The following SERPINB12 variants were observed in gnomAD, a reference collection of about 807,000 sequenced individuals.
SERPINB12 encodes serpin B12.
SERPINB12 carries 57 observed loss-of-function variants against 41.1 expected under a neutral mutation model. That is an observed-to-expected ratio of 1.39 (90% CI 1.12 to 1.73). The LOEUF is 1.73. SERPINB12 is among the 40% of genes most tolerant of loss of function. The pLI is 0.00. For missense variants in SERPINB12, 536 were observed against 501.9 expected (o/e 1.07, Z -0.65); for synonymous variants, 180 against 181.3 (o/e 0.99, Z 0.06).
At chr18:63,557,458 C>T (rs1303880525) in intron 2 of SERPINB12, among the ~76,000 whole-genome samples, 1 of 152,160 alleles carries the variant, frequency 6.6e-6, no homozygotes, top group African/African-American at 2.4e-5. Flanking sequence ...CCTTATACTT[C>T]CTTGGATGTA....
chr18:63,563,733 C>T (rs1599427457), intron 5 of SERPINB12, among the ~76,000 whole-genome samples: 1 of 152,024 alleles, frequency 6.6e-6, no homozygotes, highest in Non-Finnish European at 1.5e-5. Flanking sequence ...CCCTTCTCTA[C>T]TGAAAATAAA....
intron 3 of SERPINB12, among the ~76,000 whole-genome samples, 186 bp from the exon 4 acceptor site, chr18:63,559,392 G>A (rs1165981804): frequency 6.6e-6 from 1 of 152,034 alleles, no homozygotes; most frequent in Non-Finnish European, 1.5e-5. Flanking sequence ...ATCTTCCACT[G>A]GGACCACTTC....
At chr18:63,564,259 A>C (rs1002773473) in intron 6 of SERPINB12, 139 bp downstream of exon 6, 1 of 810,786 alleles carries the variant, frequency 1.2e-6, no homozygotes, top group Non-Finnish European at 1.9e-6. Flanking sequence ...CCAGTACCTG[A>C]ATTTCATTGA....
At chr18:63,524,463 C>G in the SERPINB12 span, among the ~76,000 whole-genome samples, 1 of 151,656 alleles carries the variant, frequency 6.6e-6, no homozygotes, top group Non-Finnish European at 1.5e-5. Context: ...CTAATTTTTG[C>G]ATTTTTAATA....
the SERPINB12 span, among the ~76,000 whole-genome samples, chr18:63,527,150 T>C: frequency 6.6e-6 from 1 of 152,232 alleles, no homozygotes; most frequent in East Asian, 1.9e-4. Context: ...CCAAGTGGTC[T>C]TAAATTTTAG....
chr18:63,561,629 G>A (rs1440062666), intron 5 of SERPINB12, among the ~76,000 whole-genome samples: 1 of 152,104 alleles, frequency 6.6e-6, no homozygotes, highest in Non-Finnish European at 1.5e-5. Context: ...GCAAAGACAT[G>A]GAATTAACCT....
At chr18:63,536,480 A>G in the SERPINB12 span, among the ~76,000 whole-genome samples, 3 of 152,294 alleles carry the variant, frequency 2.0e-5, no homozygotes, top group East Asian at 5.8e-4. Context: ...GCAAAATAAA[A>G]CAAGGTGATT....
the SERPINB12 span, among the ~76,000 whole-genome samples, chr18:63,530,004 T>A: frequency 6.6e-6 from 1 of 152,110 alleles, no homozygotes; most frequent in Non-Finnish European, 1.5e-5. Context: ...ACTATAATAT[T>A]GAGGGAAAAA....
the SERPINB12 span, among the ~76,000 whole-genome samples, chr18:63,532,548 C>G: frequency 2.0e-5 from 3 of 152,058 alleles, no homozygotes; most frequent in Admixed American, 2.0e-4. Flanking sequence ...TCTATAGGAG[C>G]AGTGGGGATT....
the SERPINB12 span, among the ~76,000 whole-genome samples, chr18:63,523,377 G>A: frequency 6.6e-6 from 1 of 152,114 alleles, no homozygotes; most frequent in Non-Finnish European, 1.5e-5. Flanking sequence ...TGTTTCCTAG[G>A]CCAATTACTA....
chr18:63,536,654 T>C, the SERPINB12 span, among the ~76,000 whole-genome samples: 1 of 152,132 alleles, frequency 6.6e-6, no homozygotes, highest in Non-Finnish European at 1.5e-5. Context: ...CCAATGAGGA[T>C]TGGTTAGATT....
chr18:63,532,880 G>A, the SERPINB12 span, among the ~76,000 whole-genome samples: 1 of 152,252 alleles, frequency 6.6e-6, no homozygotes, highest in South Asian at 2.1e-4. Context: ...TTTGTAGTGG[G>A]TTCCTATACC....
At chr18:63,521,804 A>G in the SERPINB12 span, among the ~76,000 whole-genome samples, 4 of 152,194 alleles carry the variant, frequency 2.6e-5, no homozygotes, top group Non-Finnish European at 5.9e-5. Context: ...TGTGACCCAT[A>G]CATCAGGCAT....
At chr18:63,543,956 T>A (rs1362254594) in intron 1 of SERPINB12, among the ~76,000 whole-genome samples, 1 of 152,198 alleles carries the variant, frequency 6.6e-6, no homozygotes, top group African/African-American at 2.4e-5. Flanking sequence ...TGTTTCTTGT[T>A]AGCATATTAC....
the SERPINB12 span, among the ~76,000 whole-genome samples, chr18:63,520,100 C>T: frequency 6.6e-6 from 1 of 152,208 alleles, no homozygotes; most frequent in African/African-American, 2.4e-5. Flanking sequence ...ACCCTCAGCT[C>T]TGTTTTCAGG....
chr18:63,567,091 G>C lies in SERPINB12; in HGVS notation c.*80G>C. On this transcript the variant is annotated 3_prime_UTR_variant, in exon 8 of 8. Coordinates refer to ENST00000382768, the MANE Select transcript of SERPINB12 (RefSeq NM_001307928.2). ...CCCCTGGCATAAGATGGGCATTTGA[G>C]TTTTTGGTAATATCTAAAGCATCTC... The C allele has an allele frequency of 7.2e-7, 1 of 1,395,604 alleles. No individual in the cohort carries two copies. Among genetic ancestry groups the C allele is most frequent in the Non-Finnish European group, 9.7e-7 (1 of 1,033,640 alleles). The allele number at this position is 1,395,604 out of a possible 1,614,324, so 86.5% of individuals were successfully genotyped here. A position where few individuals can be genotyped will look rare whatever the true frequency, so the allele number is the denominator to read the frequency against.
chr18:63,531,772 A>T, the SERPINB12 span, among the ~76,000 whole-genome samples: 2 of 152,234 alleles, frequency 1.3e-5, no homozygotes, highest in Non-Finnish European at 2.9e-5. Context: ...ACATTATTTC[A>T]ATGAAATAAT....
upstream of SERPINB12, among the ~76,000 whole-genome samples, chr18:63,538,788 C>T (rs921752190): frequency 1.3e-5 from 2 of 152,154 alleles, no homozygotes; most frequent in Non-Finnish European, 2.9e-5. Context: ...AAAGTGGCTG[C>T]ATCATTTTAC....
the SERPINB12 span, among the ~76,000 whole-genome samples, chr18:63,521,351 C>A: frequency 6.6e-6 from 1 of 152,320 alleles, no homozygotes; most frequent in Non-Finnish European, 1.5e-5. Flanking sequence ...TTTTGGTTAT[C>A]CCTCAGTGTC....
Sources: gnomAD v4.1 joint callset for allele counts (sites outside exome capture counted in the v4.1 genomes callset) on GRCh38, gnomAD v4.1.1 for gene constraint, MANE v1.5 for transcripts, NCBI Gene and HGNC (gene_info 2026-07-23, HGNC 2026-07-21) for gene names.